The following ZNF600 variants were observed in gnomAD, a reference collection of about 807,000 sequenced individuals.
ZNF600 encodes the protein zinc finger protein KR-ZNF1.
ZNF600 carries 4 observed loss-of-function variants against 7.3 expected under a neutral mutation model. The observed-to-expected ratio is 0.55, with a 90% CI of 0.27 to 1.25. The LOEUF (loss-of-function observed/expected upper bound fraction) is 1.25, where lower values mean the gene tolerates loss of function less well. ZNF600 is among the 50% of genes most tolerant of loss of function. The pLI is 0.12. For synonymous variants in ZNF600, 290 were observed against 308.9 expected, an observed-to-expected ratio of 0.94 and a Z score of 0.64; for missense variants, 911 against 922.1, an observed-to-expected ratio of 0.99 and a Z score of 0.16.
At chr19:52,793,770 A>C in the ZNF600 span, among the ~76,000 whole-genome samples, 4 of 15,892 alleles carry the variant, frequency 2.5e-4, no homozygotes, top group African/African-American at 1.7e-3. Context: ...TCTGCCACAC[A>C]CACACACACA....
At chr19:52,830,850 G>A in the ZNF600 span, among the ~76,000 whole-genome samples, 1 of 144,410 alleles carries the variant, frequency 6.9e-6, no homozygotes, top group African/African-American at 2.7e-5. Flanking sequence ...GGGCATGTAG[G>A]AGTGAACTTT....
chr19:52,820,320 T>A, the ZNF600 span, among the ~76,000 whole-genome samples: 1 of 135,898 alleles, frequency 7.4e-6, no homozygotes, highest in Non-Finnish European at 1.5e-5. Context: ...GGTTTCACCT[T>A]GTTAGCCAGG....
At chr19:52,765,102 C>T in exon 4 of ZNF600, 1 of 371,410 alleles carries the variant, frequency 2.7e-6, no homozygotes, top group South Asian at 2.2e-5. Context: ...TCAACACAAA[C>T]TCAAGTCAAT....
the ZNF600 span, among the ~76,000 whole-genome samples, chr19:52,827,702 G>A: frequency 6.6e-6 from 1 of 151,642 alleles, no homozygotes; most frequent in Non-Finnish European, 1.5e-5. Flanking sequence ...CCGCCACCAC[G>A]CCTGGCTAAT....
At chr19:52,819,131 CA>C in the ZNF600 span, among the ~76,000 whole-genome samples, 1 of 139,236 alleles carries the variant, frequency 7.2e-6, no homozygotes, top group Non-Finnish European at 1.5e-5. Context: ...AAGAGAAAAG[CA>C]AATGTGACTG....
At chr19:52,832,233 A>G in the ZNF600 span, among the ~76,000 whole-genome samples, 2 of 152,150 alleles carry the variant, frequency 1.3e-5, no homozygotes, top group Non-Finnish European at 2.9e-5. Flanking sequence ...AGTAAAATCA[A>G]TGATGTGATA....
At chr19:52,812,942 G>A in the ZNF600 span, among the ~76,000 whole-genome samples, 3 of 151,370 alleles carry the variant, frequency 2.0e-5, no homozygotes, top group African/African-American at 7.3e-5. Context: ...GATAGCAGGT[G>A]AAATTCCACA....
the ZNF600 span, chr19:52,800,741 T>A: frequency 1.9e-6 from 3 of 1,613,878 alleles, no homozygotes; most frequent in Non-Finnish European, 1.7e-6. Context: ...GTGCAAGGGT[T>A]GACAGTCGAT....
intron 1 of ZNF600, 35 bp downstream of exon 1, chr19:52,786,560 T>C (rs962637213): frequency 5.3e-5 from 9 of 169,024 alleles, no homozygotes; most frequent in Non-Finnish European, 1.1e-4. Flanking sequence ...CCGAGCGACT[T>C]CAAACCCAAA....
chr19:52,823,494 G>A, the ZNF600 span, among the ~76,000 whole-genome samples: 1 of 152,150 alleles, frequency 6.6e-6, no homozygotes, highest in African/African-American at 2.4e-5. Flanking sequence ...GAGACTACAG[G>A]CGTGCGCCAC....
the ZNF600 span, among the ~76,000 whole-genome samples, chr19:52,829,630 G>C: frequency 6.6e-6 from 1 of 151,936 alleles, no homozygotes; most frequent in East Asian, 1.9e-4. Flanking sequence ...CGTCTCGGCC[G>C]CCCAAAGTAC....
chr19:52,816,731 T>C, the ZNF600 span, among the ~76,000 whole-genome samples: 1 of 99,096 alleles, frequency 1.0e-5, no homozygotes, highest in African/African-American at 4.7e-5. Context: ...ACTAGGTGGG[T>C]TGAGACAGAG....
chr19:52,810,888 TCCCC>T, the ZNF600 span, among the ~76,000 whole-genome samples: 3 of 3,968 alleles, frequency 7.6e-4, no homozygotes, highest in African/African-American at 1.1e-3. Flanking sequence ...CCCCTCCCCC[TCCCC>T]CTCCCCCTCC....
rs558721173 is a variant in ZNF600, at chr19:52,773,056, G to A, written c.190+1519C>T. Reference sequence around the variant, plus strand: ...GTGTTGGAGGGGAGGGGCTCACGGGGAAATTGGGGTGTTCACTATTACAAA... The same window carrying A: ...GTGTTGGAGGGGAGGGGCTCACGGGAAAATTGGGGTGTTCACTATTACAAA... On this transcript the variant is annotated intron_variant, in intron 3 of 3. Transcript: ENST00000648973. Among the ~76,000 whole-genome samples, 464 of 151,874 alleles carry A rather than the reference G, an allele frequency of 3.1e-3. 2 individuals carry two copies. The highest frequency in any genetic ancestry group is 0.011 in the African/African-American group (435 of 41,154).
chr19:52,801,666 G>T, the ZNF600 span: 62 of 1,611,430 alleles, frequency 3.8e-5, 1 homozygote, highest in Middle Eastern at 4.9e-4. Context: ...TTGCCCTGTT[G>T]AGAAGAATGT....
the ZNF600 span, among the ~76,000 whole-genome samples, chr19:52,831,911 A>C: frequency 0.021 from 3,257 of 152,212 alleles, 127 homozygotes; most frequent in African/African-American, 0.074. Flanking sequence ...TTACAGGCAT[A>C]AGCCACCATG....
chr19:52,798,539 G>C, the ZNF600 span: 1 of 510,128 alleles, frequency 2.0e-6, no homozygotes, highest in Admixed American at 2.1e-5. Flanking sequence ...GTCCAGCATG[G>C]ATTCTCTGAT....
At chr19:52,780,449 C>T (rs2062710950) in intron 1 of ZNF600, among the ~76,000 whole-genome samples, 132 bp downstream of exon 3, 1 of 152,024 alleles carries the variant, frequency 6.6e-6, no homozygotes, top group Admixed American at 6.6e-5. Context: ...AACCTCAGCC[C>T]CAGGAAGAGG....
chr19:52,793,626 G>A, the ZNF600 span, among the ~76,000 whole-genome samples: 1 of 152,122 alleles, frequency 6.6e-6, no homozygotes, highest in Non-Finnish European at 1.5e-5. Flanking sequence ...CAACCCAAAA[G>A]CATTTTGAAA....
Sources: gnomAD v4.1 joint callset for allele counts (sites outside exome capture counted in the v4.1 genomes callset) on GRCh38, gnomAD v4.1.1 for gene constraint, MANE v1.5 for transcripts, NCBI Gene and HGNC (gene_info 2026-07-23, HGNC 2026-07-21) for gene names.